MECOM: variants seen among roughly 807,000 people sequenced by gnomAD.
The protein encoded by MECOM is histone-lysine N-methyltransferase MECOM.
Under a neutral mutation model 116.3 loss-of-function variants are expected in MECOM, and 13 were observed. The ratio of observed to expected loss-of-function variants is 0.11; its 90% CI spans 0.07 to 0.18. The LOEUF is 0.18. Ranked by LOEUF, MECOM falls within the 10% of genes least tolerant of loss-of-function variation. The pLI is 1.00. For synonymous variants in MECOM, 528 were observed against 535.2 expected (o/e 0.99, Z 0.19); for missense variants, 1,299 against 1,509.0 (o/e 0.86, Z 2.31).
chr3:169,100,398 C>T (rs1468666963), intron 12 of MECOM, among the ~76,000 whole-genome samples: 3 of 152,080 alleles, frequency 2.0e-5, no homozygotes, highest in Non-Finnish European at 2.9e-5. Flanking sequence ...CATGCCCAGC[C>T]TAAAATCTAT....
In MECOM at chr3:169,475,792, A is replaced by G. The variant is rs1274423876; in HGVS notation, c.38-94268T>C. On this transcript the variant is annotated intron_variant, in intron 1 of 16. Coordinates refer to ENST00000651503, the MANE Select transcript of MECOM (RefSeq NM_004991.4). ...AACCTCAAGTGGTTTTTAACCACCAATAACAAAAACGACAAAGGTATTTTG... is the reference window on the plus strand; with the variant it reads ...AACCTCAAGTGGTTTTTAACCACCAGTAACAAAAACGACAAAGGTATTTTG... Among the ~76,000 whole-genome samples the G allele has an allele frequency of 3.3e-5, 5 of 152,200 alleles. No individual in the cohort carries two copies. The East Asian group carries it at 5.8e-4, about 18-fold the overall frequency.
intron 2 of MECOM, among the ~76,000 whole-genome samples, chr3:169,174,479 T>C (rs1418657600): frequency 1.3e-5 from 2 of 152,176 alleles, no homozygotes; most frequent in African/African-American, 4.8e-5. Context: ...AAGAATGTGA[T>C]GCAAGAAAAA....
intron 1 of MECOM, among the ~76,000 whole-genome samples, chr3:169,456,290 G>A (rs1160587075): frequency 6.6e-6 from 1 of 152,084 alleles, no homozygotes; most frequent in Non-Finnish European, 1.5e-5. Flanking sequence ...TCCTTGCATT[G>A]TACAATATAG....
intron 2 of MECOM, among the ~76,000 whole-genome samples, chr3:169,363,438 T>C (rs914105536): frequency 6.6e-6 from 1 of 151,930 alleles, no homozygotes; most frequent in Non-Finnish European, 1.5e-5. Flanking sequence ...TCCCTTTAAG[T>C]GGGAGACTTC....
intron 2 of MECOM, among the ~76,000 whole-genome samples, chr3:169,303,851 T>C (rs1034272583): frequency 2.6e-5 from 4 of 152,366 alleles, no homozygotes; most frequent in Admixed American, 2.6e-4. Flanking sequence ...TATATTGGCC[T>C]AATGCCAAAT....
chr3:169,577,710 C>T (rs2109506814), intron 1 of MECOM, among the ~76,000 whole-genome samples: 1 of 152,266 alleles, frequency 6.6e-6, no homozygotes, highest in African/African-American at 2.4e-5. Context: ...AATTGGGCAA[C>T]TCTCAGCCAC....
At position 169,149,496 on chromosome 3, in the gene MECOM, T is replaced by A. The variant is rs556895679; in HGVS notation, c.376-5664A>T. On this transcript the variant is annotated intron_variant, in intron 2 of 16. Transcript: ENST00000651503. ...TACGGCAGGACGCCGGTAGATGGCA[T>A]TGCGCTCCGAAATAAAGCGCAGCGC... The A allele has an allele frequency of 8.2e-4, 217 of 265,534 alleles. 1 individual carries two copies. Among genetic ancestry groups the A allele is most frequent in the Middle Eastern group, 1.5e-3 (1 of 664 alleles). The allele number at this position is 265,534 out of a possible 1,614,324, so 16.4% of individuals were successfully genotyped here.
intron 1 of MECOM, among the ~76,000 whole-genome samples, chr3:169,392,783 A>C (rs891343370): frequency 3.3e-5 from 5 of 152,208 alleles, no homozygotes; most frequent in African/African-American, 1.2e-4. Flanking sequence ...TATGTACTAC[A>C]TCTTTAAAGA....
At chr3:169,573,025 A>C (rs1764102284) in intron 1 of MECOM, among the ~76,000 whole-genome samples, 1 of 152,136 alleles carries the variant, frequency 6.6e-6, no homozygotes, top group South Asian at 2.1e-4. Flanking sequence ...CTGGGCAATC[A>C]AAACTGGGCC....
chr3:169,321,123 A>G (rs1720778536), intron 2 of MECOM, among the ~76,000 whole-genome samples: 1 of 152,244 alleles, frequency 6.6e-6, no homozygotes, highest in Non-Finnish European at 1.5e-5. Flanking sequence ...GAACATTCAT[A>G]TCTAAGACAC....
chr3:169,545,211 G>A (rs144801711), intron 1 of MECOM, among the ~76,000 whole-genome samples: 138 of 151,874 alleles, frequency 9.1e-4, no homozygotes, highest in Non-Finnish European at 1.6e-3. Context: ...TTGTTTTTTC[G>A]GTACCCCATG....
At chr3:169,107,836 T>C (rs1576949531) in intron 10 of MECOM, 90 bp downstream of exon 10, 2 of 1,060,340 alleles carry the variant, frequency 1.9e-6, no homozygotes, top group African/African-American at 3.2e-5. Flanking sequence ...GGGTTCAGAA[T>C]TATTTATGTC....
chr3:169,264,920 C>T (rs184302946), intron 2 of MECOM, among the ~76,000 whole-genome samples: 22 of 152,208 alleles, frequency 1.4e-4, no homozygotes, highest in Admixed American at 6.5e-5. Flanking sequence ...TGCCAAGATC[C>T]TGGCTGGGGA....
In MECOM at chr3:169,143,666, C is replaced by T. The variant is rs767031097; in HGVS notation, c.510+32G>A. 9 of 1,540,896 alleles carry T rather than the reference C, an allele frequency of 5.8e-6. 1 individual carries two copies. In the Admixed American group the frequency reaches 1.3e-4, roughly 23 times the overall value. On this transcript the variant is annotated intron_variant, in intron 3 of 16. Transcript: ENST00000651503. ...GGCTCCAGTGATACTTTTGTGCTCT[C>T]AAGGAAAGACAAGAAAATCTTTACA... is the stretch of plus-strand genomic sequence containing the variant.
At chr3:169,659,738 A>G (rs1370987287) in intron 1 of MECOM, among the ~76,000 whole-genome samples, 2 of 152,036 alleles carry the variant, frequency 1.3e-5, no homozygotes, top group Non-Finnish European at 2.9e-5. Context: ...CAGAGAGTAA[A>G]TGCCTGAATC....
At chr3:169,264,713 C>T (rs1268260778) in intron 2 of MECOM, among the ~76,000 whole-genome samples, 1 of 152,206 alleles carries the variant, frequency 6.6e-6, no homozygotes, top group East Asian at 1.9e-4. Flanking sequence ...GCTTCAAATA[C>T]ACTGTCCAAA....
intron 1 of MECOM, among the ~76,000 whole-genome samples, chr3:169,519,978 G>A (rs756015478): frequency 6.6e-6 from 1 of 152,222 alleles, no homozygotes; most frequent in East Asian, 1.9e-4. Flanking sequence ...ACAGCAACTG[G>A]TTCAAGGTTA....
intron 2 of MECOM, among the ~76,000 whole-genome samples, chr3:169,232,887 C>A (rs1753576002): frequency 6.6e-6 from 1 of 152,020 alleles, no homozygotes. Flanking sequence ...TATAAGCAGC[C>A]TTTTCATGTA....
intron 2 of MECOM, chr3:169,147,148 G>A: frequency 1.0e-6 from 1 of 985,566 alleles, no homozygotes; most frequent in Non-Finnish European, 1.2e-6. Context: ...TTATCAGCCC[G>A]ATGTGTAATG....
Sources: allele counts gnomAD v4.1 joint callset (sites outside exome capture counted in the v4.1 genomes callset), GRCh38; gene constraint gnomAD v4.1.1; transcripts MANE v1.5; gene names NCBI Gene and HGNC (gene_info 2026-07-23, HGNC 2026-07-21).